Variants in SGK3 observed in about 807,000 individuals in gnomAD.
SGK3 encodes serine/threonine-protein kinase Sgk3.
Under a neutral mutation model 68.5 loss-of-function variants are expected in SGK3, and 47 were observed. The ratio of observed to expected loss-of-function variants is 0.69; its 90% CI spans 0.54 to 0.87. The LOEUF is 0.87. Among genes scored for constraint, SGK3 ranks in the 40% least tolerant of loss-of-function variants. The pLI, the probability that SGK3 is intolerant of heterozygous loss-of-function variation, is 0.00. For synonymous variants in SGK3, 181 were observed against 189.1 expected, an observed-to-expected ratio of 0.96 and a Z score of 0.35; for missense variants, 479 against 575.5, an observed-to-expected ratio of 0.83 and a Z score of 1.72.
chr8:66,723,111 ATATATATATATATATATATATT>A (rs1204728659), intron 1 of SGK3, among the ~76,000 whole-genome samples: 10 of 46,464 alleles, frequency 2.2e-4, no homozygotes, highest in Admixed American at 7.4e-4. Flanking sequence ...ATATATATAT[ATATATATATATATATATATATT>A]TTTTTTTTTT....
chr8:66,827,215 C>A (rs1267385387), intron 6 of SGK3, among the ~76,000 whole-genome samples: 1 of 151,106 alleles, frequency 6.6e-6, no homozygotes, highest in Non-Finnish European at 1.5e-5. Flanking sequence ...AACCCTATAT[C>A]TACTAAAAAT....
chr8:66,814,275 C>T (rs1808493643), intron 5 of SGK3, among the ~76,000 whole-genome samples: 1 of 152,138 alleles, frequency 6.6e-6, no homozygotes, highest in African/African-American at 2.4e-5. Flanking sequence ...AGCTAAGTGT[C>T]GTCCCTACCG....
intron 1 of SGK3, among the ~76,000 whole-genome samples, chr8:66,785,458 C>G (rs914698744): frequency 3.9e-5 from 6 of 152,216 alleles, no homozygotes; most frequent in Admixed American, 2.6e-4. Flanking sequence ...TATTTCTCAA[C>G]CTTCAGCCCT....
intron 1 of SGK3, among the ~76,000 whole-genome samples, chr8:66,751,129 G>A (rs542502491): frequency 3.9e-5 from 6 of 152,070 alleles, no homozygotes; most frequent in Admixed American, 6.6e-5. Context: ...GTGAAACCCT[G>A]TCTCTACTAA....
chr8:66,741,616 C>T (rs890428741), intron 1 of SGK3, among the ~76,000 whole-genome samples: 1 of 151,786 alleles, frequency 6.6e-6, no homozygotes, highest in African/African-American at 2.4e-5. Flanking sequence ...CCTGTAATCC[C>T]AGCAGTTTGG....
intron 16 of SGK3, among the ~76,000 whole-genome samples, chr8:66,855,912 GACA>G (rs990889380): frequency 1.3e-5 from 2 of 152,160 alleles, no homozygotes; most frequent in Admixed American, 6.5e-5. Flanking sequence ...ACTAAATCCT[GACA>G]ACAATCCTAT....
At chr8:66,836,865 CA>C (rs1809557826) in intron 10 of SGK3, among the ~76,000 whole-genome samples, 1 of 150,122 alleles carries the variant, frequency 6.7e-6, no homozygotes, top group Non-Finnish European at 1.5e-5. Context: ...TCAACCTCCT[CA>C]AATTGGATAT....
At chr8:66,818,784 T>C (rs1489801613) in intron 5 of SGK3, among the ~76,000 whole-genome samples, 1 of 152,222 alleles carries the variant, frequency 6.6e-6, no homozygotes, top group Non-Finnish European at 1.5e-5. Flanking sequence ...ATTGTATGAG[T>C]ATACCACAGT....
chr8:66,818,225 G>A (rs897595503), intron 5 of SGK3, among the ~76,000 whole-genome samples: 1 of 152,088 alleles, frequency 6.6e-6, no homozygotes, highest in East Asian at 1.9e-4. Context: ...GATAAAGGAC[G>A]ATAGATAAAT....
chr8:66,720,781 T>TTTTATATATATATATATATATATATA (rs1554590872), intron 1 of SGK3, among the ~76,000 whole-genome samples: 4 of 146,248 alleles, frequency 2.7e-5, no homozygotes, highest in African/African-American at 1.1e-4. Flanking sequence ...AAAAAAAAAA[T>TTTTATATATATATATATATATATATA]TATATATATA....
chr8:66,766,022 CAAA>C (rs111349387), intron 1 of SGK3, among the ~76,000 whole-genome samples: 10 of 124,072 alleles, frequency 8.1e-5, no homozygotes, highest in Non-Finnish European at 5.3e-5. Context: ...AATACTCCGT[CAAA>C]AAAAAAAAAA....
chr8:66,788,749 G>A (rs1055260990), intron 1 of SGK3, among the ~76,000 whole-genome samples: 1 of 152,192 alleles, frequency 6.6e-6, no homozygotes, highest in African/African-American at 2.4e-5. Context: ...TCAGACCAGG[G>A]AAATCCTAGA....
At chr8:66,820,843 A>G (rs1278852192) in intron 5 of SGK3, among the ~76,000 whole-genome samples, 3 of 152,130 alleles carry the variant, frequency 2.0e-5, no homozygotes, top group Non-Finnish European at 2.9e-5. Context: ...AGCTAGGATG[A>G]CAGGTGCACA....
In SGK3 at chr8:66,828,681, C is replaced by T; in HGVS notation, c.445C>T (p.Leu149=). The change falls in exon 7 of 17, where the codon CTG becomes TTG. Residue 149 remains leucine (L), a synonymous_variant. Coordinates refer to ENST00000521198, the MANE Select transcript of SGK3 (RefSeq NM_001033578.3). ...KLHSTSQNIN[L]GPSGNPHAKP... is the part of the protein sequence containing the mutation. ...ACACTCTACCTCACAGAACATCAACCTGGGACCGTCTGGAAATCCTCAGTA... is the reference window on the plus strand; with the variant it reads ...ACACTCTACCTCACAGAACATCAACTTGGGACCGTCTGGAAATCCTCAGTA... 1 of 1,613,900 alleles carries T rather than the reference C, an allele frequency of 6.2e-7. No homozygotes were observed. Among genetic ancestry groups the T allele is most frequent in the Non-Finnish European group, 8.5e-7 (1 of 1,179,994 alleles).
rs749063520 is a variant in SGK3, at chr8:66,835,766, C to G, written c.529C>G (p.Leu177Val). ...CACTAATGTTTAACTATAACAGGTT[C>G]TTCTTGCAAAACGGAAACTGGATGG... Reference protein sequence around the residue: ...VIGKGSFGKVLLAKRKLDGKF... With the variant: ...VIGKGSFGKVVLAKRKLDGKF... The change falls in exon 9 of 17, where the codon CTT becomes GTT. Residue 177 changes from leucine (L) to valine (V), a missense_variant. Coordinates refer to ENST00000521198, the MANE Select transcript of SGK3 (RefSeq NM_001033578.3). 5.6e-6 allele frequency: 9 copies of G among 1,610,674 alleles called. No homozygotes were observed. The highest frequency in any genetic ancestry group is 3.3e-4 in the Middle Eastern group (2 of 6,040).
intron 1 of SGK3, among the ~76,000 whole-genome samples, chr8:66,751,038 G>T (rs1196711403): frequency 6.6e-6 from 1 of 150,750 alleles, no homozygotes; most frequent in Non-Finnish European, 1.5e-5. Context: ...GGTGGCTTAC[G>T]CCTGTAATCC....
chr8:66,756,652 T>C (rs1173401031), intron 1 of SGK3, among the ~76,000 whole-genome samples: 2 of 139,624 alleles, frequency 1.4e-5, no homozygotes, highest in Non-Finnish European at 3.0e-5. Flanking sequence ...CGAATATAGC[T>C]CACTGCAGCC....
In SGK3 at chr8:66,723,122, TATATATATA is replaced by T. The variant is rs1180933421; in HGVS notation, c.-122+10290_-122+10298del. 2.4e-3 allele frequency among the ~76,000 whole-genome samples: 137 copies of T among 56,682 alleles called. 1 individual carries two copies. Among genetic ancestry groups the T allele is most frequent in the Non-Finnish European group, 3.5e-3 (106 of 30,122 alleles). 37.2% of individuals were successfully genotyped at this position (56,682 alleles called of 152,430 possible). On this transcript the variant is annotated intron_variant, in intron 1 of 16. Transcript: ENST00000521198. ...ATATATATATATATATATATATATA[TATATATATA>T]TTTTTTTTTTTTTTTTTTTTTGTAA... is the stretch of plus-strand genomic sequence containing the variant.
chr8:66,720,989 A>G (rs1176947750), intron 1 of SGK3, among the ~76,000 whole-genome samples: 1 of 152,150 alleles, frequency 6.6e-6, no homozygotes, highest in Non-Finnish European at 1.5e-5. Context: ...GTTGAACTGG[A>G]GATGTTTTGA....
Sources: gnomAD v4.1 joint callset for allele counts (sites outside exome capture counted in the v4.1 genomes callset) on GRCh38, gnomAD v4.1.1 for gene constraint, MANE v1.5 for transcripts, NCBI Gene and HGNC (gene_info 2026-07-23, HGNC 2026-07-21) for gene names.